Variants in TPTE2 observed in about 807,000 individuals in gnomAD.
TPTE2 encodes the protein transmembrane phosphoinositide 3-phosphatase and tensin homolog 2.
A neutral mutation model predicts 78.6 loss-of-function variants in TPTE2; 53 were observed. That is an observed-to-expected ratio of 0.67 (90% CI 0.54 to 0.85). TPTE2 has a LOEUF of 0.85. Among genes scored for constraint, TPTE2 ranks in the 40% least tolerant of loss-of-function variants. The pLI is 0.00. For missense variants in TPTE2, 461 were observed against 623.0 expected, an observed-to-expected ratio of 0.74 and a Z score of 2.77; for synonymous variants, 175 against 206.2, an observed-to-expected ratio of 0.85 and a Z score of 1.30.
At chr13:19,541,573 T>C (rs1320870492), upstream of TPTE2, among the ~76,000 whole-genome samples, 2 of 152,242 alleles carry the variant, frequency 1.3e-5, no homozygotes, top group Non-Finnish European at 2.9e-5. Flanking sequence ...ATATTTGCTG[T>C]AGGCTTTTTG....
intron 1 of TPTE2, among the ~76,000 whole-genome samples, chr13:19,531,934 G>GA (rs1381197825): frequency 1.3e-5 from 2 of 151,418 alleles, no homozygotes; most frequent in African/African-American, 4.9e-5. Flanking sequence ...CTCAAAAAAA[G>GA]AAAAAAAAGT....
At chr13:19,501,524 C>G (rs1868554427) in intron 1 of TPTE2, among the ~76,000 whole-genome samples, 1 of 146,618 alleles carries the variant, frequency 6.8e-6, no homozygotes, top group Non-Finnish European at 1.5e-5. Flanking sequence ...TGATCTTTGA[C>G]AAACCTGAGA....
At chr13:19,467,447 T>C in intron 6 of TPTE2, 103 bp from the exon 10 acceptor site, 1 of 853,050 alleles carries the variant, frequency 1.2e-6, no homozygotes, top group Non-Finnish European at 1.7e-6. Context: ...TTAAGAATTC[T>C]ACTATCATGA....
At chr13:19,449,895 T>A (rs1878067149) in intron 13 of TPTE2, among the ~76,000 whole-genome samples, 181 bp downstream of exon 16, 1 of 152,122 alleles carries the variant, frequency 6.6e-6, no homozygotes, top group African/African-American at 2.4e-5. Context: ...CCTCTCCCTA[T>A]CTCCTACCCT....
chr13:19,462,761 C>T (rs369422643), intron 10 of TPTE2, among the ~76,000 whole-genome samples: 2 of 151,902 alleles, frequency 1.3e-5, no homozygotes, highest in East Asian at 3.9e-4. Context: ...GCCATGCTCG[C>T]CTTGAACTCC....
intron 10 of TPTE2, among the ~76,000 whole-genome samples, chr13:19,457,574 T>C (rs571774900): frequency 3.3e-5 from 5 of 151,562 alleles, no homozygotes; most frequent in African/African-American, 1.2e-4. Context: ...CATTGTGTGC[T>C]CATGTGTTCT....
chr13:19,559,583 G>A, the TPTE2 span, among the ~76,000 whole-genome samples: 2 of 150,440 alleles, frequency 1.3e-5, no homozygotes, highest in Non-Finnish European at 3.0e-5. Flanking sequence ...AGGAGCAAAG[G>A]GAGCATGGGC....
At chr13:19,427,568 T>C (rs1238282922) in intron 17 of TPTE2, among the ~76,000 whole-genome samples, 1 of 152,188 alleles carries the variant, frequency 6.6e-6, no homozygotes, top group Non-Finnish European at 1.5e-5. Flanking sequence ...ATGCATAACT[T>C]ATCATGGTTT....
intron 1 of TPTE2, among the ~76,000 whole-genome samples, chr13:19,499,857 A>G (rs939363960): frequency 1.3e-5 from 2 of 151,222 alleles, no homozygotes; most frequent in Non-Finnish European, 2.9e-5. Flanking sequence ...TAATGAATCC[A>G]GGAGCTGGAT....
exon 8 of TPTE2, chr13:19,465,480 C>T: frequency 6.2e-7 from 1 of 1,608,648 alleles, no homozygotes; most frequent in Non-Finnish European, 8.5e-7. Flanking sequence ...TTCTCATCAG[C>T]TTTTCAAGTT....
intron 1 of TPTE2, among the ~76,000 whole-genome samples, chr13:19,528,218 C>CA (rs1870633698): frequency 1.8e-5 from 1 of 56,484 alleles, no homozygotes; most frequent in East Asian, 2.9e-3. Flanking sequence ...CCCTTCTCTA[C>CA]TAAAAAAAAA....
At chr13:19,483,092 C>G (rs924408861) in intron 3 of TPTE2, among the ~76,000 whole-genome samples, 1 of 152,228 alleles carries the variant, frequency 6.6e-6, no homozygotes, top group Non-Finnish European at 1.5e-5. Flanking sequence ...TAATGATCAC[C>G]TAAGCCTTTA....
chr13:19,504,913 A>G (rs1312636291), upstream of TPTE2, among the ~76,000 whole-genome samples: 1 of 152,042 alleles, frequency 6.6e-6, no homozygotes, highest in Non-Finnish European at 1.5e-5. Context: ...ATCTGCACAT[A>G]CATTTCTTTA....
At chr13:19,485,929 T>C (rs1214909921) in intron 3 of TPTE2, among the ~76,000 whole-genome samples, 3 of 152,208 alleles carry the variant, frequency 2.0e-5, no homozygotes, top group Non-Finnish European at 4.4e-5. Flanking sequence ...CATGTTTTCC[T>C]GATTTCATTG....
chr13:19,495,795 T>C (rs1042376281), intron 1 of TPTE2, among the ~76,000 whole-genome samples: 6 of 152,176 alleles, frequency 3.9e-5, no homozygotes, highest in Non-Finnish European at 7.4e-5. Context: ...ACATGTAACT[T>C]CCTAGACTTA....
At chr13:19,494,528 C>G (rs953836564) in intron 1 of TPTE2, among the ~76,000 whole-genome samples, 4 of 152,134 alleles carry the variant, frequency 2.6e-5, no homozygotes, top group African/African-American at 9.7e-5. Context: ...CCTGCCTCAC[C>G]CTCCTGAGGA....
chr13:19,484,220 A>G (rs532291331), intron 3 of TPTE2, among the ~76,000 whole-genome samples: 125 of 152,266 alleles, frequency 8.2e-4, no homozygotes, highest in African/African-American at 2.9e-3. Flanking sequence ...TTCTTCACTC[A>G]TTGTAACTCA....
At chr13:19,430,514 A>C in exon 17 of TPTE2, 2 of 1,611,122 alleles carry the variant, frequency 1.2e-6, no homozygotes, top group Non-Finnish European at 1.7e-6. Context: ...CTTTTTCTCC[A>C]TTACTACTTG....
chr13:19,506,332 C>T (rs1208536399), upstream of TPTE2, among the ~76,000 whole-genome samples: 8 of 150,304 alleles, frequency 5.3e-5, no homozygotes, highest in East Asian at 2.0e-4. Context: ...CCACTACGCC[C>T]GGCTAATTTT....
Sources: gnomAD v4.1 joint callset for allele counts (sites outside exome capture counted in the v4.1 genomes callset) on GRCh38, gnomAD v4.1.1 for gene constraint, MANE v1.5 for transcripts, NCBI Gene and HGNC (gene_info 2026-07-23, HGNC 2026-07-21) for gene names.